RB1CC1: variants seen among roughly 807,000 people sequenced by gnomAD.
RB1CC1 encodes RB1 inducible coiled-coil 1.
Under a neutral mutation model 177.5 loss-of-function variants are expected in RB1CC1, and 46 were observed. The ratio of observed to expected loss-of-function variants is 0.26; its 90% CI spans 0.20 to 0.33. The LOEUF is 0.33. Among genes scored for constraint, RB1CC1 ranks in the 10% least tolerant of loss-of-function variants. The probability of loss-of-function intolerance (pLI) is 1.00; values close to 1 mark genes in which losing one functional copy is unlikely to be tolerated. For synonymous variants in RB1CC1, 666 were observed against 613.6 expected (o/e 1.09, Z -1.26); for missense variants, 1,703 against 1,816.3 (o/e 0.94, Z 1.13).
chr8:52,667,456 T>C (rs1047305307), intron 8 of RB1CC1, among the ~76,000 whole-genome samples: 1 of 152,188 alleles, frequency 6.6e-6, no homozygotes, highest in African/African-American at 2.4e-5. Context: ...TTTGCCACAA[T>C]GCTAGCCATG....
intron 18 of RB1CC1, among the ~76,000 whole-genome samples, chr8:52,638,393 T>A (rs983779522): frequency 2.0e-5 from 3 of 152,172 alleles, no homozygotes; most frequent in Non-Finnish European, 4.4e-5. Context: ...CCGATAATAT[T>A]TGTGTCAATA....
Position 52,676,585 on chromosome 8 carries a change from G to A in RB1CC1, c.370-14C>T. On this transcript the variant is annotated splice_polypyrimidine_tract_variant and intron_variant, in intron 5 of 23. Transcript: ENST00000025008. Reference sequence around the variant, plus strand: ...TTCATACATTTCCTATATTGAAAAAGAATACAAAAGAAAGTAAAAGAAGGC... The same window carrying A: ...TTCATACATTTCCTATATTGAAAAAAAATACAAAAGAAAGTAAAAGAAGGC... 6.3e-7 allele frequency: 1 copy of A among 1,583,596 alleles called. No individual in the cohort carries two copies. Among genetic ancestry groups the A allele is most frequent in the Non-Finnish European group, 8.6e-7 (1 of 1,161,022 alleles).
Position 52,657,521 on chromosome 8 carries a change from T to C in RB1CC1, c.2308A>G (p.Asn770Asp). The change falls in exon 15 of 24, where the codon AAT becomes GAT. Residue 770 changes from asparagine (N) to aspartate (D), a missense_variant. Asn to Asp is a conservative substitution (Grantham distance 23). Coordinates refer to ENST00000025008, the MANE Select transcript of RB1CC1 (RefSeq NM_014781.5). ...MVESLYSSVI[N>D]AIDSRRMQDT... The stretch of plus-strand genomic sequence containing the variant: ...TGCATTCGTCTACTGTCTATCGCAT[T>C]GATAACTGATGAATAAAGTGATTCC... 1 of 1,614,004 alleles carries C rather than the reference T, an allele frequency of 6.2e-7. No individual in the cohort carries two copies. The highest frequency in any genetic ancestry group is 8.5e-7 in the Non-Finnish European group (1 of 1,179,996).
At chr8:52,641,371 T>C (rs73595486) in intron 18 of RB1CC1, among the ~76,000 whole-genome samples, 6,816 of 115,790 alleles carry the variant, frequency 0.059, 596 homozygotes, top group African/African-American at 0.22. Context: ...GGGATAAGAG[T>C]GAGACTTCAT....
chr8:52,653,206 C>A (rs1338373252), intron 15 of RB1CC1, among the ~76,000 whole-genome samples: 1 of 152,120 alleles, frequency 6.6e-6, no homozygotes, highest in Non-Finnish European at 1.5e-5. Context: ...CAAGGCTTTG[C>A]AAAATACAAG....
chr8:52,656,330 C>G lies in RB1CC1; in HGVS notation c.3499G>C (p.Glu1167Gln). Residue 1167 changes from glutamate to glutamine, a missense_variant, in exon 15 of 24, where the codon GAA (glutamate) becomes CAA (glutamine). Glu to Gln is a conservative substitution (Grantham distance 29). Transcript: ENST00000025008. ...TGTTCTTTTAGGTTTTTTTCTATTT[C>G]AAATGCTTGGTTATGCAAAGATGTT... ...KVTSLHNQAF[E>Q]IEKNLKEQII... is the part of the protein sequence containing the mutation. 1 of 1,612,584 alleles carries G rather than the reference C, an allele frequency of 6.2e-7. No homozygotes were observed. The highest frequency in any genetic ancestry group is 1.3e-5 in the African/African-American group (1 of 74,974).
rs1044121610 is a variant in RB1CC1 at position 52,656,446 on chromosome 8, A to G, written c.3383T>C (p.Leu1128Ser). Residue 1128 changes from leucine (L) to serine (S), a missense_variant, in exon 15 of 24, where the codon TTA (leucine) becomes TCA (serine). By Grantham distance (145) the Leu-to-Ser change is moderately radical. Around this residue, in one of 6 missense-constraint regions of RB1CC1, gnomAD observed 1,169 missense variants for 1,184.7 expected, o/e 0.99. Coordinates refer to ENST00000025008, the MANE Select transcript of RB1CC1 (RefSeq NM_014781.5). ...YQVGLAELRTLMTIEKDQCIS... is the reference protein window; with the variant it reads ...YQVGLAELRTSMTIEKDQCIS... The stretch of plus-strand genomic sequence containing the variant: ...ACACTGATCTTTTTCAATTGTCATT[A>G]AAGTTCTTAGCTCTGCTAAGCCCAC... 1.9e-6 allele frequency: 3 copies of G among 1,611,518 alleles called. No homozygotes were observed. The highest frequency in any genetic ancestry group is 3.3e-5 in the Admixed American group (2 of 59,772).
chr8:52,665,647 G>T (rs1295704833), intron 8 of RB1CC1, among the ~76,000 whole-genome samples: 1 of 152,332 alleles, frequency 6.6e-6, no homozygotes, highest in South Asian at 2.1e-4. Context: ...GATCAGGAAT[G>T]CAGAGTTCTG....
rs919811097 is a variant in RB1CC1 at position 52,622,729 on chromosome 8, C to T, written c.*1053G>A. The stretch of plus-strand genomic sequence containing the variant: ...AAGATCTAGTTTACACAATTCTATT[C>T]TACATAACACTGTTTACCCTGTTAC... On this transcript the variant is annotated 3_prime_UTR_variant, in exon 24 of 24. Transcript: ENST00000025008. 2.6e-5 allele frequency: 4 copies of T among 151,976 alleles called. No individual in the cohort carries two copies. Among genetic ancestry groups the T allele is most frequent in the Admixed American group, 1.3e-4 (2 of 15,190 alleles). The allele number at this position is 151,976 out of a possible 1,614,324, so 9.4% of individuals were successfully genotyped here.
intron 5 of RB1CC1, among the ~76,000 whole-genome samples, chr8:52,679,964 A>C (rs1853548506): frequency 6.6e-6 from 1 of 152,168 alleles, no homozygotes; most frequent in African/African-American, 2.4e-5. Flanking sequence ...CCTCTCTTAC[A>C]CATATAGATT....
Position 52,630,531 on chromosome 8 carries a change from A to T in RB1CC1, c.4441-3T>A. Reference sequence around the variant, plus strand: ...ACTGAAGACATGCTCTGAGACATCTAAAAAAAAAAAAAAAGTTTATGAACT... The same window carrying T: ...ACTGAAGACATGCTCTGAGACATCTTAAAAAAAAAAAAAAGTTTATGAACT... On this transcript the variant is annotated splice_region_variant and splice_polypyrimidine_tract_variant and intron_variant, in intron 20 of 23. Transcript: ENST00000025008. 2 of 184,810 alleles carry T rather than the reference A, an allele frequency of 1.1e-5. No homozygotes were observed. The highest frequency in any genetic ancestry group is 1.2e-4 in the South Asian group (1 of 8,164). 11.4% of individuals were successfully genotyped at this position (184,810 alleles called of 1,614,324 possible). A position where few individuals can be genotyped will look rare whatever the true frequency, so the allele number is the denominator to read the frequency against.
chr8:52,665,238 A>G (rs1235012705), intron 8 of RB1CC1, among the ~76,000 whole-genome samples: 1 of 152,238 alleles, frequency 6.6e-6, no homozygotes, highest in African/African-American at 2.4e-5. Flanking sequence ...AACTATCTAG[A>G]CAATATATGA....
chr8:52,713,695 A>ACGTCCCTCGCCCTCGGC (rs1277842729), intron 1 of RB1CC1, among the ~76,000 whole-genome samples: 1 of 152,154 alleles, frequency 6.6e-6, no homozygotes, highest in Non-Finnish European at 1.5e-5. Flanking sequence ...GGAGGTTCGG[A>ACGTCCCTCGCCCTCGGC]CGTCCCTCGC....
intron 1 of RB1CC1, among the ~76,000 whole-genome samples, chr8:52,700,973 G>C (rs62501678): frequency 1.1e-4 from 17 of 152,174 alleles, no homozygotes; most frequent in Non-Finnish European, 2.5e-4. Flanking sequence ...GTTGACCTAG[G>C]TGACACCCAA....
chr8:52,671,494 A>G (rs1222787388), intron 7 of RB1CC1, among the ~76,000 whole-genome samples: 1 of 152,222 alleles, frequency 6.6e-6, no homozygotes, highest in African/African-American at 2.4e-5. Flanking sequence ...GAAATCTCAT[A>G]CTCGGTTCAT....
intron 1 of RB1CC1, among the ~76,000 whole-genome samples, chr8:52,702,548 T>C (rs975312877): frequency 4.6e-5 from 7 of 152,176 alleles, no homozygotes; most frequent in African/African-American, 1.7e-4. Context: ...AAACCCCATC[T>C]CTACTGAAAA....
At chr8:52,667,910 T>C in intron 8 of RB1CC1, 111 bp downstream of exon 8, 1 of 1,051,028 alleles carries the variant, frequency 9.5e-7, no homozygotes, top group Non-Finnish European at 1.3e-6. Flanking sequence ...ACATTAAAAA[T>C]ATTCAAGGAA....
chr8:52,667,685 T>C (rs1294751909), intron 8 of RB1CC1, among the ~76,000 whole-genome samples: 1 of 152,234 alleles, frequency 6.6e-6, no homozygotes, highest in Non-Finnish European at 1.5e-5. Context: ...TCTCCTATTC[T>C]TAAAAAATTT....
rs1329107716 is a variant in RB1CC1, at chr8:52,642,832, A to G, written c.3988-20T>C. 1 of 1,506,064 alleles carries G rather than the reference A, an allele frequency of 6.6e-7. No individual in the cohort carries two copies. The highest frequency in any genetic ancestry group is 8.8e-7 in the Non-Finnish European group (1 of 1,135,000). The allele number at this position is 1,506,064 out of a possible 1,614,324, so 93.3% of individuals were successfully genotyped here. A position where few individuals can be genotyped will look rare whatever the true frequency, so the allele number is the denominator to read the frequency against. On this transcript the variant is annotated intron_variant, in intron 16 of 23. Transcript: ENST00000025008. ...ATTGGTCTGGAACAAGAGAATAATT[A>G]TTTAAATTTATCTACATGTACTTAG...
Sources: allele counts gnomAD v4.1 joint callset (sites outside exome capture counted in the v4.1 genomes callset), GRCh38; gene constraint gnomAD v4.1.1; regional missense constraint gnomAD v4.1.1; transcripts MANE v1.5; gene names NCBI Gene and HGNC (gene_info 2026-07-23, HGNC 2026-07-21).